The following SLC35D4 variants were observed in gnomAD, a reference collection of about 807,000 sequenced individuals.
The protein encoded by SLC35D4 is UDP-N-acetylglucosamine transporter SLC35D4.
chr18:23,394,761 C>T, the SLC35D4 span, among the ~76,000 whole-genome samples: 12 of 151,776 alleles, frequency 7.9e-5, no homozygotes, highest in East Asian at 1.9e-4. Context: ...CATCTGAGGT[C>T]GGGAGTTTGA....
the SLC35D4 span, among the ~76,000 whole-genome samples, chr18:23,250,809 AGCCAAGTGTTCGAAAACTC>A: frequency 6.6e-6 from 1 of 152,262 alleles, no homozygotes; most frequent in African/African-American, 2.4e-5. Flanking sequence ...GTCCTCTTCC[AGCCAAGTGTTCGAAAACTC>A]TGAACAGGTC....
chr18:23,340,434 A>G, the SLC35D4 span, among the ~76,000 whole-genome samples: 3 of 152,152 alleles, frequency 2.0e-5, no homozygotes, highest in East Asian at 5.8e-4. Flanking sequence ...GGGATAGGGG[A>G]GGCAAGTGAG....
chr18:23,318,243 G>C, the SLC35D4 span, among the ~76,000 whole-genome samples: 1 of 152,224 alleles, frequency 6.6e-6, no homozygotes, highest in Non-Finnish European at 1.5e-5. Flanking sequence ...GTCTTCTTTG[G>C]AGAACTGTCT....
chr18:23,348,653 T>A, the SLC35D4 span, among the ~76,000 whole-genome samples: 25 of 152,384 alleles, frequency 1.6e-4, no homozygotes, highest in African/African-American at 5.3e-4. Context: ...ATAGCCACTA[T>A]ACCCAGCTTT....
At chr18:23,421,359 G>A in the SLC35D4 span, 5 of 1,612,678 alleles carry the variant, frequency 3.1e-6, no homozygotes, top group Admixed American at 1.7e-5. Flanking sequence ...AGCATAGAGA[G>A]GTTATACCTT....
the SLC35D4 span, among the ~76,000 whole-genome samples, chr18:23,417,160 T>C: frequency 6.6e-6 from 1 of 151,858 alleles, no homozygotes; most frequent in East Asian, 1.9e-4. Flanking sequence ...GAGGATAGCT[T>C]GAGCCCAGAA....
chr18:23,362,588 G>A, the SLC35D4 span, among the ~76,000 whole-genome samples: 1 of 152,142 alleles, frequency 6.6e-6, no homozygotes, highest in Non-Finnish European at 1.5e-5. Context: ...AACAGAGCGA[G>A]ACTCTGTCTC....
chr18:23,379,729 C>A, the SLC35D4 span, among the ~76,000 whole-genome samples: 1 of 152,154 alleles, frequency 6.6e-6, no homozygotes, highest in African/African-American at 2.4e-5. Flanking sequence ...GATACTCAGT[C>A]CAAAATAACC....
chr18:23,373,239 C>T, the SLC35D4 span, among the ~76,000 whole-genome samples: 3 of 152,090 alleles, frequency 2.0e-5, no homozygotes, highest in Non-Finnish European at 4.4e-5. Flanking sequence ...TGCTTGAACC[C>T]GGGAGGTGGA....
At chr18:23,260,522 A>T in the SLC35D4 span, 1 of 152,454 alleles carries the variant, frequency 6.6e-6, no homozygotes, top group African/African-American at 2.4e-5. Flanking sequence ...AGTGCTGAAC[A>T]GCTGGCCCCT....
the SLC35D4 span, among the ~76,000 whole-genome samples, chr18:23,251,437 C>T: frequency 6.6e-6 from 1 of 151,944 alleles, no homozygotes; most frequent in Non-Finnish European, 1.5e-5. Context: ...GGCAACAGAG[C>T]ATGACTCCGT....
the SLC35D4 span, among the ~76,000 whole-genome samples, chr18:23,322,018 C>T: frequency 2.0e-5 from 3 of 152,150 alleles, no homozygotes; most frequent in Non-Finnish European, 4.4e-5. Flanking sequence ...TCTCTGCCCA[C>T]GGAGGAGGGA....
At chr18:23,364,931 A>AG in the SLC35D4 span, among the ~76,000 whole-genome samples, 163 of 11,956 alleles carry the variant, frequency 0.014, 64 homozygotes, top group South Asian at 0.024. Context: ...AAAAAAAAAA[A>AG]AAGGACTCCT....
the SLC35D4 span, among the ~76,000 whole-genome samples, chr18:23,325,093 A>G: frequency 6.6e-6 from 1 of 151,984 alleles, no homozygotes; most frequent in African/African-American, 2.4e-5. Context: ...CAGCAGGGAG[A>G]GTCCTGGGTG....
At chr18:23,404,608 C>T in the SLC35D4 span, among the ~76,000 whole-genome samples, 1 of 143,814 alleles carries the variant, frequency 7.0e-6, no homozygotes, top group South Asian at 2.3e-4. Context: ...GGGAGGCTTG[C>T]GGCGGGCCGA....
chr18:23,253,661 G>C, the SLC35D4 span: 1 of 1,281,220 alleles, frequency 7.8e-7, no homozygotes, highest in Non-Finnish European at 1.1e-6. Context: ...TCAAGATGGG[G>C]GAGTTTTTCT....
the SLC35D4 span, among the ~76,000 whole-genome samples, chr18:23,319,396 G>A: frequency 1.7e-4 from 26 of 150,980 alleles, no homozygotes; most frequent in Non-Finnish European, 3.5e-4. Context: ...TCAGCCTCCC[G>A]AGTAGCTGGG....
the SLC35D4 span, among the ~76,000 whole-genome samples, chr18:23,320,747 G>T: frequency 6.6e-6 from 1 of 152,202 alleles, no homozygotes; most frequent in African/African-American, 2.4e-5. Flanking sequence ...TCCCAGACTT[G>T]TGTTTAAGAG....
At chr18:23,375,621 G>A in the SLC35D4 span, among the ~76,000 whole-genome samples, 3 of 152,128 alleles carry the variant, frequency 2.0e-5, no homozygotes, top group Non-Finnish European at 4.4e-5. Flanking sequence ...CAGATGAAAT[G>A]CTAGGGTGCC....
Sources: allele counts gnomAD v4.1 joint callset (sites outside exome capture counted in the v4.1 genomes callset), GRCh38; gene constraint gnomAD v4.1.1; transcripts MANE v1.5; gene names NCBI Gene and HGNC (gene_info 2026-07-23, HGNC 2026-07-21).